Variants in SLC71A2 observed in about 807,000 individuals in gnomAD.
SLC71A2 encodes solute carrier family 71 member 2, also known as hippocampus abundant transcript-like 1.
At chr9:94,406,142 A>C in the SLC71A2 span, among the ~76,000 whole-genome samples, 1 of 124,420 alleles carries the variant, frequency 8.0e-6, no homozygotes, top group Non-Finnish European at 1.6e-5. Flanking sequence ...ATCATAGCTC[A>C]CTGCAAACTT....
At chr9:94,406,805 G>A in the SLC71A2 span, among the ~76,000 whole-genome samples, 10 of 152,204 alleles carry the variant, frequency 6.6e-5, no homozygotes, top group African/African-American at 2.2e-4. Context: ...GGTTTTTTGT[G>A]TGTGGAATTT....
At chr9:94,447,288 T>C in the SLC71A2 span, among the ~76,000 whole-genome samples, 2 of 151,968 alleles carry the variant, frequency 1.3e-5, no homozygotes, top group Non-Finnish European at 2.9e-5. Flanking sequence ...CAAGCGATTC[T>C]CCTGTCTCAG....
the SLC71A2 span, among the ~76,000 whole-genome samples, chr9:94,394,119 T>G: frequency 6.3e-5 from 9 of 142,630 alleles, no homozygotes; most frequent in Non-Finnish European, 1.2e-4. Context: ...TTGCATTAAT[T>G]TGGGTTGTGG....
the SLC71A2 span, among the ~76,000 whole-genome samples, chr9:94,453,157 T>TG: frequency 6.6e-6 from 1 of 150,980 alleles, no homozygotes; most frequent in Non-Finnish European, 1.5e-5. Flanking sequence ...TCTTTTTTTT[T>TG]TTTTTTTTTT....
the SLC71A2 span, among the ~76,000 whole-genome samples, chr9:94,428,868 C>A: frequency 6.6e-6 from 1 of 151,564 alleles, no homozygotes; most frequent in Non-Finnish European, 1.5e-5. Context: ...ATCTTTTTAT[C>A]GTTTCCATAG....
the SLC71A2 span, among the ~76,000 whole-genome samples, chr9:94,444,333 C>G: frequency 0.014 from 2,091 of 152,270 alleles, 49 homozygotes; most frequent in African/African-American, 0.048. Flanking sequence ...CAGGTGGTGA[C>G]AGAGAGACAG....
At chr9:94,397,313 T>TCC in the SLC71A2 span, among the ~76,000 whole-genome samples, 13 of 152,226 alleles carry the variant, frequency 8.5e-5, no homozygotes, top group South Asian at 2.1e-3. Flanking sequence ...CATGCACTAT[T>TCC]ATCAGCTAAA....
At chr9:94,384,030 T>G in the SLC71A2 span, among the ~76,000 whole-genome samples, 1 of 152,250 alleles carries the variant, frequency 6.6e-6, no homozygotes, top group African/African-American at 2.4e-5. Flanking sequence ...GAAGTTACCA[T>G]CTTAACCATT....
At chr9:94,420,788 A>G in the SLC71A2 span, among the ~76,000 whole-genome samples, 9 of 152,018 alleles carry the variant, frequency 5.9e-5, no homozygotes, top group Non-Finnish European at 1.3e-4. Flanking sequence ...AGTCCCAGCT[A>G]CTTGGGAGGC....
the SLC71A2 span, among the ~76,000 whole-genome samples, chr9:94,449,598 A>G: frequency 6.6e-6 from 1 of 152,232 alleles, no homozygotes; most frequent in South Asian, 2.1e-4. Context: ...ATGTGGAGAA[A>G]TCGGAGCCCT....
the SLC71A2 span, among the ~76,000 whole-genome samples, chr9:94,410,512 C>T: frequency 7.2e-5 from 11 of 152,034 alleles, no homozygotes; most frequent in Admixed American, 1.3e-4. Flanking sequence ...AGGTGCACAC[C>T]ACCGCTCCTG....
At chr9:94,439,022 G>GT in the SLC71A2 span, among the ~76,000 whole-genome samples, 1,188 of 115,672 alleles carry the variant, frequency 0.01, 55 homozygotes, top group South Asian at 0.035. Context: ...ATTTGAGTTC[G>GT]TTTTTTTTTT....
chr9:94,435,393 G>A, the SLC71A2 span, among the ~76,000 whole-genome samples: 11 of 152,152 alleles, frequency 7.2e-5, no homozygotes, highest in African/African-American at 2.4e-4. Context: ...GCTAAAGCCA[G>A]CTTCTTCACA....
the SLC71A2 span, among the ~76,000 whole-genome samples, chr9:94,379,110 G>T: frequency 1.3e-5 from 1 of 76,230 alleles, no homozygotes. Flanking sequence ...TTTTGAGACG[G>T]AGTTTCACTG....
chr9:94,424,230 G>T, the SLC71A2 span, among the ~76,000 whole-genome samples: 1 of 147,642 alleles, frequency 6.8e-6, no homozygotes, highest in Non-Finnish European at 1.5e-5. Flanking sequence ...ATAGTAATAT[G>T]TTTTTTTTTG....
the SLC71A2 span, among the ~76,000 whole-genome samples, chr9:94,422,136 G>T: frequency 8.9e-4 from 136 of 152,240 alleles, no homozygotes; most frequent in African/African-American, 3.2e-3. Context: ...CACCCGCTTC[G>T]GACTCCCAAA....
At chr9:94,411,506 A>G in the SLC71A2 span, among the ~76,000 whole-genome samples, 1 of 151,900 alleles carries the variant, frequency 6.6e-6, no homozygotes, top group South Asian at 2.1e-4. Flanking sequence ...GTGGCCATTA[A>G]TGGTCATGGC....
At chr9:94,377,510 C>T in the SLC71A2 span, among the ~76,000 whole-genome samples, 5 of 142,320 alleles carry the variant, frequency 3.5e-5, no homozygotes, top group South Asian at 2.3e-4. Context: ...GCTGGGACAA[C>T]AGATATGTGC....
the SLC71A2 span, among the ~76,000 whole-genome samples, chr9:94,422,624 T>TC: frequency 2.0e-4 from 30 of 152,224 alleles, 1 homozygote; most frequent in African/African-American, 5.8e-4. Context: ...CCAGGCAGAC[T>TC]CCATGTCTTC....
Sources: allele counts gnomAD v4.1 joint callset (sites outside exome capture counted in the v4.1 genomes callset), GRCh38; gene constraint gnomAD v4.1.1; transcripts MANE v1.5; gene names NCBI Gene and HGNC (gene_info 2026-07-23, HGNC 2026-07-21).